CHD1L: variants seen among roughly 807,000 people sequenced by gnomAD.
The protein encoded by CHD1L is ATP-dependent chromatin remodeler CHD1L.
A neutral mutation model predicts 115.9 loss-of-function variants in CHD1L; 118 were observed. The observed-to-expected ratio is 1.02, with a 90% CI of 0.88 to 1.19. CHD1L has a LOEUF of 1.19. CHD1L is among the 50% of genes most tolerant of loss of function. CHD1L has a pLI of 0.00. For missense variants in CHD1L, 1,179 were observed against 1,065.3 expected (o/e 1.11, Z -1.49); for synonymous variants, 411 against 387.1 (o/e 1.06, Z -0.72).
intron 1 of CHD1L, among the ~76,000 whole-genome samples, chr1:147,249,950 G>A (rs993577474): frequency 1.3e-5 from 2 of 151,998 alleles, no homozygotes; most frequent in African/African-American, 2.4e-5. Flanking sequence ...CTTCTATTCT[G>A]TAGAGTTCAC....
At chr1:147,209,145 C>G in the CHD1L span, 4 of 1,073,250 alleles carry the variant, frequency 3.7e-6, no homozygotes, top group East Asian at 1.1e-4. Flanking sequence ...TCAGGCCCGG[C>G]GCGGTGGCTC....
chr1:147,283,196 T>TTA lies in CHD1L; in HGVS notation c.1706-1155_1706-1154insTA, dbSNP rs782091337. ...CTCAGCTCTATTTTTTTCTACTTGT[T>TTA]GATAGAGTGCCTCATTGAAAGCCCC... On this transcript the variant is annotated intron_variant, in intron 15 of 22. Coordinates refer to ENST00000369258, the MANE Select transcript of CHD1L (RefSeq NM_004284.6). Among the ~76,000 whole-genome samples, 12 of 152,250 alleles carry TTA rather than the reference T, an allele frequency of 7.9e-5. 1 individual carries two copies. The East Asian group carries it at 2.3e-3, about 29-fold the overall frequency.
At chr1:147,279,207 C>A (rs193189157) in intron 14 of CHD1L, among the ~76,000 whole-genome samples, 182 of 152,198 alleles carry the variant, frequency 1.2e-3, no homozygotes, top group Non-Finnish European at 1.1e-3. Flanking sequence ...ACAAAATAGA[C>A]GATCTGGAGA....
chr1:147,266,374 C>T (rs1251155432), intron 8 of CHD1L, among the ~76,000 whole-genome samples: 2 of 152,172 alleles, frequency 1.3e-5, no homozygotes, highest in African/African-American at 2.4e-5. Context: ...TTCATCCTCC[C>T]ACCCTGTCAG....
rs1230081728 is a variant in CHD1L at position 147,245,928 on chromosome 1, A to G, written c.127+3098A>G. Among the ~76,000 whole-genome samples the G allele has an allele frequency of 2.0e-5, 3 of 152,274 alleles. No individual in the cohort carries two copies. In the East Asian group the frequency reaches 5.8e-4, roughly 29 times the overall value. ...AATGTGGCACATTATCACATTGTGT[A>G]CACTTGCAATGATGGTACACTATCA... On this transcript the variant is annotated intron_variant, in intron 1 of 22. Transcript: ENST00000369258.
chr1:147,184,755 G>A, the CHD1L span: 4 of 1,180,084 alleles, frequency 3.4e-6, no homozygotes, highest in African/African-American at 1.6e-5. This position sits in a 1 kb window ranked among gnomAD's most constrained non-coding sequence, Gnocchi z 4.4. Flanking sequence ...TAACCTAGCC[G>A]AGATAGTGTT....
At chr1:147,278,222 G>GTTTTTTTTTTTT (rs71083825) in intron 14 of CHD1L, among the ~76,000 whole-genome samples, 5 of 91,130 alleles carry the variant, frequency 5.5e-5, no homozygotes, top group African/African-American at 1.4e-4. Flanking sequence ...TGTTTTTTGG[G>GTTTTTTTTTTTT]TTTTTTTTTT....
At chr1:147,187,535 T>G in the CHD1L span, among the ~76,000 whole-genome samples, 1 of 152,060 alleles carries the variant, frequency 6.6e-6, no homozygotes, top group Non-Finnish European at 1.5e-5. Flanking sequence ...TTGAAGGATG[T>G]GAAAGATACA....
the CHD1L span, chr1:147,225,413 G>A: frequency 5.2e-6 from 1 of 191,874 alleles, no homozygotes; most frequent in East Asian, 1.3e-4. Flanking sequence ...AGGGGCTGTA[G>A]CACTCCACCT....
the CHD1L span, chr1:147,209,054 G>T: frequency 6.2e-7 from 1 of 1,612,088 alleles, no homozygotes; most frequent in East Asian, 2.2e-5. Context: ...AGGAAAACCT[G>T]GGGCATGGAA....
the CHD1L span, chr1:147,215,799 C>T: frequency 6.2e-7 from 1 of 1,613,304 alleles, no homozygotes; most frequent in Non-Finnish European, 8.5e-7. Context: ...TGGCATACAT[C>T]CTGAAATACT....
At chr1:147,279,774 TTTTTG>T (rs1434116586) in intron 14 of CHD1L, among the ~76,000 whole-genome samples, 4 of 152,142 alleles carry the variant, frequency 2.6e-5, no homozygotes, top group Non-Finnish European at 5.9e-5. Flanking sequence ...TTATACATTT[TTTTTG>T]TTTTGTTTTT....
intron 12 of CHD1L, among the ~76,000 whole-genome samples, chr1:147,273,979 C>T (rs1319615417): frequency 1.3e-5 from 2 of 152,114 alleles, no homozygotes; most frequent in African/African-American, 2.4e-5. Context: ...AAAATCTCAC[C>T]CCTCGGTGAA....
the CHD1L span, chr1:147,208,422 A>T: frequency 7.3e-6 from 1 of 136,154 alleles, no homozygotes; most frequent in African/African-American, 2.9e-5. Flanking sequence ...ATGAGTCTAT[A>T]GGCTTTCTTT....
the CHD1L span, among the ~76,000 whole-genome samples, chr1:147,187,870 G>A: frequency 6.6e-6 from 1 of 152,214 alleles, no homozygotes; most frequent in Non-Finnish European, 1.5e-5. Flanking sequence ...TATCTGTGTG[G>A]TGGAGTGGGA....
chr1:147,194,186 T>C, the CHD1L span, among the ~76,000 whole-genome samples: 3 of 152,172 alleles, frequency 2.0e-5, no homozygotes, highest in African/African-American at 7.2e-5. Flanking sequence ...TGAATCTGGG[T>C]GCTCCTGCAT....
At chr1:147,265,191 A>C (rs1267132992) in intron 7 of CHD1L, among the ~76,000 whole-genome samples, 2 of 152,068 alleles carry the variant, frequency 1.3e-5, no homozygotes, top group Non-Finnish European at 2.9e-5. Context: ...GGTAAGTATG[A>C]GTTTGAGGGG....
chr1:147,232,512 C>T, the CHD1L span, among the ~76,000 whole-genome samples: 1 of 152,110 alleles, frequency 6.6e-6, no homozygotes, highest in Non-Finnish European at 1.5e-5. Context: ...CATGGTCTCC[C>T]TCTCCCTCTC....
At chr1:147,255,959 C>T in intron 4 of CHD1L, 32 bp downstream of exon 4, 1 of 1,460,366 alleles carries the variant, frequency 6.8e-7, no homozygotes, top group Non-Finnish European at 9.5e-7. Flanking sequence ...GCGAGAACTC[C>T]TAACCTGTGA....
Sources: allele counts gnomAD v4.1 joint callset (sites outside exome capture counted in the v4.1 genomes callset), GRCh38; gene constraint gnomAD v4.1.1; non-coding constraint Gnocchi (gnomAD v3.1); transcripts MANE v1.5; gene names NCBI Gene and HGNC (gene_info 2026-07-23, HGNC 2026-07-21).